DCC: variants seen among roughly 807,000 people sequenced by gnomAD.
The protein encoded by DCC is netrin receptor DCC.
A neutral mutation model predicts 172.5 loss-of-function variants in DCC; 58 were observed. The ratio of observed to expected loss-of-function variants is 0.34; its 90% CI spans 0.27 to 0.42. DCC has a LOEUF of 0.42. Ranked by LOEUF, DCC falls within the 10% of genes least tolerant of loss-of-function variation. The pLI is 1.00. For synonymous variants in DCC, 709 were observed against 644.5 expected (o/e 1.10, Z -1.52); for missense variants, 1,740 against 1,791.0 (o/e 0.97, Z 0.51).
intron 2 of DCC, among the ~76,000 whole-genome samples, chr18:52,844,320 G>GCAGA (rs10643611): frequency 0.89 from 134,274 of 151,190 alleles, 59,985 homozygotes; most frequent in Admixed American, 0.94. Context: ...ACATAGATAG[G>GCAGA]CAGACAGACA....
At chr18:52,367,309 A>T (rs2144287599) in intron 1 of DCC, among the ~76,000 whole-genome samples, 1 of 152,256 alleles carries the variant, frequency 6.6e-6, no homozygotes, top group South Asian at 2.1e-4. Flanking sequence ...CTGCAAGCTG[A>T]GGGAGTGGGC....
intron 5 of DCC, among the ~76,000 whole-genome samples, chr18:53,014,703 G>C (rs997958696): frequency 3.9e-5 from 6 of 151,936 alleles, no homozygotes; most frequent in African/African-American, 4.8e-5. Context: ...CTATGAGAAG[G>C]CTCACGTGTT....
intron 13 of DCC, among the ~76,000 whole-genome samples, chr18:53,312,627 G>A (rs541461258): frequency 6.6e-6 from 1 of 150,932 alleles, no homozygotes; most frequent in South Asian, 2.1e-4. Flanking sequence ...TCAGGAGATC[G>A]AGAAACCCCG....
chr18:53,380,809 C>A (rs4940255), intron 15 of DCC, among the ~76,000 whole-genome samples: 36,149 of 152,040 alleles, frequency 0.24, 4,899 homozygotes, highest in East Asian at 0.53. Context: ...TATTCTTATA[C>A]CAGTTACAAG....
intron 23 of DCC, among the ~76,000 whole-genome samples, chr18:53,458,688 T>C (rs1322640088): frequency 1.3e-5 from 2 of 152,246 alleles, no homozygotes; most frequent in East Asian, 3.8e-4. Context: ...AAGGCAAAAG[T>C]GTTTTATTCT....
intron 12 of DCC, among the ~76,000 whole-genome samples, chr18:53,250,782 T>C (rs2056421113): frequency 6.6e-6 from 1 of 151,948 alleles, no homozygotes; most frequent in Admixed American, 6.6e-5. Flanking sequence ...CTCTCTGTTC[T>C]TTCCTTCATA....
intron 1 of DCC, among the ~76,000 whole-genome samples, chr18:52,507,822 C>T (rs1334344961): frequency 2.0e-5 from 3 of 152,016 alleles, no homozygotes; most frequent in African/African-American, 7.3e-5. Flanking sequence ...AATTTCAGGC[C>T]AGGCACAGTG....
intron 1 of DCC, among the ~76,000 whole-genome samples, chr18:52,435,966 C>A (rs1372650455): frequency 1.3e-5 from 2 of 152,214 alleles, no homozygotes; most frequent in African/African-American, 4.8e-5. Context: ...CCATGGCAAC[C>A]ATCTCCCCAG....
rs546446306 is a variant in DCC, at chr18:53,392,939, A to G, written c.2688+1052A>G. On this transcript the variant is annotated intron_variant, in intron 17 of 28. Coordinates refer to ENST00000442544, the MANE Select transcript of DCC (RefSeq NM_005215.4). The stretch of plus-strand genomic sequence containing the variant: ...AGAAGTCAGTTTTGAAAATAAGAGC[A>G]TAAATGCCACCCAACAACTAAGAAA... Among the ~76,000 whole-genome samples, 9 of 152,352 alleles carry G rather than the reference A, an allele frequency of 5.9e-5. No individual in the cohort carries two copies. The South Asian group carries it at 1.9e-3, about 32-fold the overall frequency.
intron 3 of DCC, among the ~76,000 whole-genome samples, chr18:52,915,703 C>T (rs947069545): frequency 1.3e-5 from 2 of 151,842 alleles, no homozygotes; most frequent in African/African-American, 4.8e-5. Flanking sequence ...TTTGCACTAT[C>T]TTCTCAAAGG....
chr18:53,311,490 T>A (rs1007814372), intron 13 of DCC, among the ~76,000 whole-genome samples: 2 of 152,188 alleles, frequency 1.3e-5, no homozygotes, highest in Non-Finnish European at 1.5e-5. Context: ...CCTCCACTAG[T>A]TAAGGAGATG....
intron 3 of DCC, 108 bp downstream of exon 3, chr18:52,906,436 T>A: frequency 8.7e-7 from 1 of 1,150,932 alleles, no homozygotes; most frequent in Non-Finnish European, 1.3e-6. Context: ...TCTGTATTGT[T>A]CATTGCGTTT....
intron 15 of DCC, 140 bp from the exon 16 acceptor site, chr18:53,385,903 T>C (rs990247707): frequency 4.3e-6 from 3 of 694,616 alleles, no homozygotes; most frequent in Non-Finnish European, 5.2e-6. Context: ...GCCACTTTCC[T>C]TTCTGAATCC....
At chr18:52,349,166 G>A (rs1479242462) in intron 1 of DCC, among the ~76,000 whole-genome samples, 2 of 150,530 alleles carry the variant, frequency 1.3e-5, no homozygotes, top group African/African-American at 4.8e-5. Flanking sequence ...ACAAACGTAT[G>A]TGCTTTGTGC....
chr18:52,925,416 A>G (rs1037989141), intron 5 of DCC, 46 bp downstream of exon 5: 1 of 1,581,744 alleles, frequency 6.3e-7, no homozygotes, highest in African/African-American at 1.3e-5. Flanking sequence ...CTTTCAAAGT[A>G]TATCACCGCG....
chr18:53,284,540 T>G (rs1196187412), intron 12 of DCC, among the ~76,000 whole-genome samples: 1 of 152,180 alleles, frequency 6.6e-6, no homozygotes, highest in African/African-American at 2.4e-5. Context: ...CCCAGCCACA[T>G]GAAACTGTAA....
chr18:52,900,103 C>G (rs541043753), intron 2 of DCC, among the ~76,000 whole-genome samples: 30 of 152,254 alleles, frequency 2.0e-4, no homozygotes, highest in African/African-American at 7.0e-4. Flanking sequence ...ACAACTGGTT[C>G]TATCCGGACT....
At chr18:53,228,316 G>C (rs746729719) in intron 12 of DCC, among the ~76,000 whole-genome samples, 3 of 152,080 alleles carry the variant, frequency 2.0e-5, no homozygotes, top group Non-Finnish European at 4.4e-5. Flanking sequence ...GTTTATCAGA[G>C]AAAAGTCAAT....
At chr18:52,780,996 GAAA>G (rs1229474300) in intron 2 of DCC, among the ~76,000 whole-genome samples, 1 of 151,798 alleles carries the variant, frequency 6.6e-6, no homozygotes. Flanking sequence ...AGATTAACAA[GAAA>G]AAAAGCAGAA....
Sources: gnomAD v4.1 joint callset for allele counts (sites outside exome capture counted in the v4.1 genomes callset) on GRCh38, gnomAD v4.1.1 for gene constraint, MANE v1.5 for transcripts, NCBI Gene and HGNC (gene_info 2026-07-23, HGNC 2026-07-21) for gene names.